NALF1: variants seen among roughly 807,000 people sequenced by gnomAD.
NALF1 encodes the protein NALCN channel auxiliary factor 1, also known as family with sequence similarity 155 member A.
A neutral mutation model predicts 48.4 loss-of-function variants in NALF1; 3 were observed. That is an observed-to-expected ratio of 0.06 (90% CI 0.03 to 0.16). The LOEUF (loss-of-function observed/expected upper bound fraction) is 0.16, where lower values mean the gene tolerates loss of function less well. Ranked by LOEUF, NALF1 falls within the 10% of genes least tolerant of loss-of-function variation. The pLI is 1.00. For synonymous variants in NALF1, 262 were observed against 245.7 expected (o/e 1.07, Z -0.62); for missense variants, 526 against 571.5 (o/e 0.92, Z 0.81).
intron 1 of NALF1, among the ~76,000 whole-genome samples, chr13:107,220,330 C>G (rs1879963211): frequency 2.0e-5 from 3 of 152,206 alleles, no homozygotes; most frequent in Non-Finnish European, 2.9e-5. Context: ...AACCGGCACC[C>G]TGGGAATGGA....
chr13:107,241,335 C>T (rs1018380818), intron 1 of NALF1, among the ~76,000 whole-genome samples: 4 of 152,124 alleles, frequency 2.6e-5, no homozygotes, highest in African/African-American at 4.8e-5. Flanking sequence ...GATGTCCTCG[C>T]CGAGCACCAC....
rs4083990 is a variant in NALF1, at chr13:107,685,952, A to G, written c.915+179730T>C. On this transcript the variant is annotated intron_variant, in intron 1 of 2. Transcript: ENST00000375915. ...CTTACTTTCTAGATAGGAGAAGGGC[A>G]GAATATAACAAACAGATAAGCTACA... Among the ~76,000 whole-genome samples, 3,803 of 152,352 alleles carry G rather than the reference A, an allele frequency of 0.025. 329 individuals carry two copies. The East Asian group carries it at 0.29, about 12-fold the overall frequency.
intron 1 of NALF1, among the ~76,000 whole-genome samples, chr13:107,664,376 T>G (rs1880804242): frequency 6.6e-6 from 1 of 152,164 alleles, no homozygotes; most frequent in South Asian, 2.1e-4. Context: ...AGCTCCTAAC[T>G]GATCTCTACT....
intron 1 of NALF1, among the ~76,000 whole-genome samples, chr13:107,396,461 G>T (rs1178726923): frequency 6.6e-6 from 1 of 152,194 alleles, no homozygotes; most frequent in Non-Finnish European, 1.5e-5. Flanking sequence ...AACATATACA[G>T]TGAAAGCTCT....
In NALF1 at chr13:107,277,941, C is replaced by T. The variant is rs115936820; in HGVS notation, c.916-67186G>A. 3.4e-3 allele frequency among the ~76,000 whole-genome samples: 519 copies of T among 152,264 alleles called. 3 individuals carry two copies. The highest frequency in any genetic ancestry group is 0.012 in the African/African-American group (487 of 41,544). Reference sequence around the variant, plus strand: ...TCCTTTTAGATGAATGTCCATCCCACGTGTTACTATCTCTGTGCCTCTGAC... The same window carrying T: ...TCCTTTTAGATGAATGTCCATCCCATGTGTTACTATCTCTGTGCCTCTGAC... On this transcript the variant is annotated intron_variant, in intron 1 of 2. Coordinates refer to ENST00000375915, the MANE Select transcript of NALF1 (RefSeq NM_001080396.3).
intron 1 of NALF1, among the ~76,000 whole-genome samples, chr13:107,450,075 C>T (rs1379370432): frequency 6.6e-6 from 1 of 152,114 alleles, no homozygotes; most frequent in Admixed American, 6.6e-5. Context: ...TAAATCATGG[C>T]AGGCCTTCTA....
chr13:107,189,006 A>G (rs1879231478), intron 2 of NALF1, among the ~76,000 whole-genome samples: 1 of 152,252 alleles, frequency 6.6e-6, no homozygotes. Context: ...TGCACATTAG[A>G]TGGAATATAG....
chr13:107,806,380 C>T (rs192416566), intron 1 of NALF1, among the ~76,000 whole-genome samples: 249 of 152,060 alleles, frequency 1.6e-3, no homozygotes, highest in Non-Finnish European at 2.6e-3. Flanking sequence ...AAAGAAATTA[C>T]ATCAGAAAAG....
intron 1 of NALF1, among the ~76,000 whole-genome samples, chr13:107,222,411 A>G (rs1880013648): frequency 6.6e-6 from 1 of 152,202 alleles, no homozygotes; most frequent in African/African-American, 2.4e-5. Flanking sequence ...ATTCATTTAT[A>G]TACACATGAA....
chr13:107,441,994 A>G (rs570337473), intron 1 of NALF1, among the ~76,000 whole-genome samples: 60 of 119,214 alleles, frequency 5.0e-4, no homozygotes, highest in African/African-American at 1.7e-3. Flanking sequence ...ACTCAAAGTT[A>G]AAGTATTAGA....
chr13:107,179,615 T>G (rs1042760429), intron 2 of NALF1, among the ~76,000 whole-genome samples: 1 of 150,680 alleles, frequency 6.6e-6, no homozygotes, highest in African/African-American at 2.4e-5. Flanking sequence ...TATCAAGATA[T>G]CTCAATAATG....
At chr13:107,328,853 C>A (rs536640227) in intron 1 of NALF1, among the ~76,000 whole-genome samples, 1 of 152,304 alleles carries the variant, frequency 6.6e-6, no homozygotes, top group South Asian at 2.1e-4. Flanking sequence ...TTTGCAGAAT[C>A]TTGAACCATC....
chr13:107,696,053 C>T (rs755122875), intron 1 of NALF1, among the ~76,000 whole-genome samples: 1 of 152,074 alleles, frequency 6.6e-6, no homozygotes, highest in South Asian at 2.1e-4. Context: ...TGCACCACCA[C>T]GCCCAGCTAA....
chr13:107,332,010 T>C (rs1366519169), intron 1 of NALF1, among the ~76,000 whole-genome samples: 2 of 152,228 alleles, frequency 1.3e-5, no homozygotes, highest in East Asian at 3.9e-4. Flanking sequence ...AAATATGTTC[T>C]TTAGAAATAA....
chr13:107,586,719 G>T (rs1177089435), intron 1 of NALF1, among the ~76,000 whole-genome samples: 1 of 141,474 alleles, frequency 7.1e-6, no homozygotes, highest in Non-Finnish European at 1.5e-5. Flanking sequence ...TTGTCTAAGG[G>T]ACTACCAGAT....
chr13:107,633,349 C>T (rs1879883268), intron 1 of NALF1, among the ~76,000 whole-genome samples: 1 of 151,908 alleles, frequency 6.6e-6, no homozygotes. Flanking sequence ...CTGAGAAAAT[C>T]ACGCATCTCT....
intron 1 of NALF1, among the ~76,000 whole-genome samples, chr13:107,632,150 A>G (rs1033066707): frequency 2.7e-4 from 41 of 152,308 alleles, no homozygotes; most frequent in African/African-American, 9.4e-4. Context: ...AGGGTATTAT[A>G]AGTGTCTGTA....
intron 1 of NALF1, among the ~76,000 whole-genome samples, chr13:107,364,786 T>G (rs1883122764): frequency 1.5e-5 from 1 of 66,076 alleles, no homozygotes; most frequent in African/African-American, 5.1e-5. Flanking sequence ...CGTAAGAGCC[T>G]GACAACCTGA....
chr13:107,189,347 T>C (rs924580575), intron 2 of NALF1, among the ~76,000 whole-genome samples: 2 of 152,148 alleles, frequency 1.3e-5, no homozygotes, highest in Admixed American at 6.5e-5. Flanking sequence ...TTTTTAATTA[T>C]GAAAAATGTA....
Sources: gnomAD v4.1 joint callset for allele counts (sites outside exome capture counted in the v4.1 genomes callset) on GRCh38, gnomAD v4.1.1 for gene constraint, MANE v1.5 for transcripts, NCBI Gene and HGNC (gene_info 2026-07-23, HGNC 2026-07-21) for gene names.